CADPS2: variants seen among roughly 807,000 people sequenced by gnomAD.
The protein encoded by CADPS2 is calcium dependent secretion activator 2.
A neutral mutation model predicts 172.5 loss-of-function variants in CADPS2; 93 were observed. The observed-to-expected ratio is 0.54, with a 90% CI of 0.46 to 0.64. The LOEUF is 0.64. Among genes scored for constraint, CADPS2 ranks in the 30% least tolerant of loss-of-function variants. CADPS2 has a pLI of 0.00. For missense variants in CADPS2, 1,420 were observed against 1,565.9 expected (o/e 0.91, Z 1.57); for synonymous variants, 546 against 555.2 (o/e 0.98, Z 0.23).
At chr7:122,690,921 A>G (rs2084267032) in intron 2 of CADPS2, among the ~76,000 whole-genome samples, 1 of 152,142 alleles carries the variant, frequency 6.6e-6, no homozygotes, top group South Asian at 2.1e-4. Flanking sequence ...AGACCTGTGT[A>G]CCATGCCCCA....
At chr7:122,845,359 G>A (rs1045888169) in intron 1 of CADPS2, among the ~76,000 whole-genome samples, 7 of 152,142 alleles carry the variant, frequency 4.6e-5, no homozygotes, top group African/African-American at 1.7e-4. Context: ...AATGGGTAAA[G>A]GTTTGATGTC....
chr7:122,717,967 C>T (rs1407683007), intron 2 of CADPS2, among the ~76,000 whole-genome samples: 6 of 147,110 alleles, frequency 4.1e-5, no homozygotes, highest in African/African-American at 1.5e-4. Context: ...CATTCCACCA[C>T]ACTCGGCTAA....
intron 1 of CADPS2, among the ~76,000 whole-genome samples, chr7:122,811,671 C>T (rs2190257): frequency 0.2 from 30,700 of 151,776 alleles, 3,251 homozygotes; most frequent in Middle Eastern, 0.3. Context: ...AAAAAAGGGA[C>T]GACAGACATG....
At chr7:122,354,111 G>A (rs2039043986) in intron 27 of CADPS2, 1 of 151,958 alleles carries the variant, frequency 6.6e-6, no homozygotes, top group Non-Finnish European at 1.5e-5. Flanking sequence ...ATTCAGATGT[G>A]ACTTGTTCAC....
At chr7:122,517,562 T>C (rs2060472274) in intron 8 of CADPS2, among the ~76,000 whole-genome samples, 1 of 152,074 alleles carries the variant, frequency 6.6e-6, no homozygotes, top group Admixed American at 6.6e-5. Context: ...TCAGAGAAGG[T>C]TACCATTATT....
chr7:122,409,714 T>G (rs1297409180), intron 19 of CADPS2: 2 of 454,122 alleles, frequency 4.4e-6, no homozygotes, highest in Non-Finnish European at 9.3e-6. Flanking sequence ...CAGGGTCTTG[T>G]CTACAACCTG....
chr7:122,554,079 A>T (rs2064688233), intron 8 of CADPS2, among the ~76,000 whole-genome samples: 2 of 151,830 alleles, frequency 1.3e-5, no homozygotes, highest in South Asian at 4.2e-4. Flanking sequence ...TTCAATTCTC[A>T]CTCACATGTT....
At chr7:122,462,727 A>G (rs12670456) in intron 14 of CADPS2, among the ~76,000 whole-genome samples, 40,422 of 152,130 alleles carry the variant, frequency 0.27, 5,771 homozygotes, top group East Asian at 0.38. Context: ...CCTACATATC[A>G]TGCAAAAATC....
At chr7:122,490,358 A>T in intron 10 of CADPS2, 77 bp from the exon 11 acceptor site, 4 of 1,046,498 alleles carry the variant, frequency 3.8e-6, no homozygotes, top group Non-Finnish European at 5.8e-6. Flanking sequence ...AACTGACCTC[A>T]TGGAAAAGAA....
At chr7:122,489,215 C>T (rs1039354045) in intron 11 of CADPS2, among the ~76,000 whole-genome samples, 3 of 152,028 alleles carry the variant, frequency 2.0e-5, no homozygotes, top group Non-Finnish European at 2.9e-5. Context: ...AACTAAAGTG[C>T]CTTTGTTTAG....
intron 2 of CADPS2, among the ~76,000 whole-genome samples, chr7:122,679,663 C>T (rs2082809372): frequency 6.6e-6 from 1 of 152,136 alleles, no homozygotes; most frequent in Non-Finnish European, 1.5e-5. Flanking sequence ...TTTTACGGCT[C>T]AGGGGGCATC....
chr7:122,348,525 T>A (rs192017156), intron 27 of CADPS2, among the ~76,000 whole-genome samples: 21 of 152,300 alleles, frequency 1.4e-4, no homozygotes, highest in Middle Eastern at 3.4e-3. Context: ...TTCCTTTTTT[T>A]AAAAAAATTG....
intron 3 of CADPS2, among the ~76,000 whole-genome samples, chr7:122,645,332 TAC>T (rs1164783984): frequency 1.9e-5 from 2 of 103,344 alleles, no homozygotes; most frequent in African/African-American, 6.6e-5. Context: ...TGTACATATA[TAC>T]ACACATGTAC....
chr7:122,667,501 T>C (rs1280907716), intron 2 of CADPS2, among the ~76,000 whole-genome samples: 2 of 152,114 alleles, frequency 1.3e-5, no homozygotes, highest in African/African-American at 4.8e-5. Flanking sequence ...GTAATCAACA[T>C]TTAGTGTCAA....
intron 15 of CADPS2, among the ~76,000 whole-genome samples, chr7:122,441,870 A>G (rs1164348180): frequency 6.6e-6 from 1 of 152,254 alleles, no homozygotes; most frequent in African/African-American, 2.4e-5. Flanking sequence ...GAGTAAAGCG[A>G]TAATATGCAT....
chr7:122,408,366 A>G (rs1319241963), intron 19 of CADPS2, among the ~76,000 whole-genome samples: 1 of 152,122 alleles, frequency 6.6e-6, no homozygotes, highest in East Asian at 1.9e-4. Flanking sequence ...ACACATTGCA[A>G]ATTGCTCTTT....
chr7:122,529,766 A>C (rs1296600682), intron 8 of CADPS2, among the ~76,000 whole-genome samples: 1 of 152,124 alleles, frequency 6.6e-6, no homozygotes, highest in African/African-American at 2.4e-5. Flanking sequence ...ATCCCGCTTG[A>C]AGATCCACGC....
At chr7:122,574,110 G>A (rs895495482) in intron 7 of CADPS2, among the ~76,000 whole-genome samples, 3 of 152,078 alleles carry the variant, frequency 2.0e-5, no homozygotes, top group Non-Finnish European at 4.4e-5. Flanking sequence ...TAAATATATT[G>A]ATGTCGTTGA....
At chr7:122,457,776 G>C (rs1474337261) in intron 14 of CADPS2, among the ~76,000 whole-genome samples, 1 of 152,120 alleles carries the variant, frequency 6.6e-6, no homozygotes, top group Non-Finnish European at 1.5e-5. Context: ...ACAGCTTTTA[G>C]ATATGTGAGG....
Sources: allele counts gnomAD v4.1 joint callset (sites outside exome capture counted in the v4.1 genomes callset), GRCh38; gene constraint gnomAD v4.1.1; transcripts MANE v1.5; gene names NCBI Gene and HGNC (gene_info 2026-07-23, HGNC 2026-07-21).